DNAH11: variants seen among roughly 807,000 people sequenced by gnomAD.
DNAH11 encodes axonemal beta dynein heavy chain 11.
Under a neutral mutation model 526.0 loss-of-function variants are expected in DNAH11, and 442 were observed. The observed-to-expected ratio is 0.84, with a 90% CI of 0.78 to 0.91. The LOEUF (loss-of-function observed/expected upper bound fraction) is 0.91. Ranked by LOEUF, DNAH11 falls within the 40% of genes least tolerant of loss-of-function variation. DNAH11 has a pLI of 0.00. For missense variants in DNAH11, 6,989 were observed against 5,448.7 expected (o/e 1.28, Z -8.90); for synonymous variants, 2,461 against 1,935.9 (o/e 1.27, Z -7.12).
chr7:21,564,154 G>T, intron 5 of DNAH11, 32 bp from the exon 6 acceptor site: 1 of 1,390,850 alleles, frequency 7.2e-7, no homozygotes, highest in Non-Finnish European at 9.6e-7. Flanking sequence ...AAACAAACCA[G>T]AATCACGTTA....
chr7:21,834,955 A>T (rs1455486744), intron 65 of DNAH11, among the ~76,000 whole-genome samples: 1 of 152,210 alleles, frequency 6.6e-6, no homozygotes, highest in East Asian at 1.9e-4. Context: ...CATAACTGAT[A>T]CCACAGTAAT....
At chr7:21,881,292 G>C (rs561210282) in intron 75 of DNAH11, among the ~76,000 whole-genome samples, 1 of 152,272 alleles carries the variant, frequency 6.6e-6, no homozygotes, top group South Asian at 2.1e-4. Flanking sequence ...AATTAGTTCT[G>C]ATGATGGAAG....
At chr7:21,653,906 G>C (rs898637794) in intron 28 of DNAH11, among the ~76,000 whole-genome samples, 3 of 152,168 alleles carry the variant, frequency 2.0e-5, no homozygotes, top group Non-Finnish European at 4.4e-5. Context: ...TGTTGGTCTT[G>C]TCATGCAGAA....
At chr7:21,652,679 G>A (rs922388610) in intron 28 of DNAH11, among the ~76,000 whole-genome samples, 1 of 152,094 alleles carries the variant, frequency 6.6e-6, no homozygotes, top group South Asian at 2.1e-4. Context: ...ATTTCAACTG[G>A]TGTGGTCATT....
rs1420966942 is a variant in DNAH11, at chr7:21,901,815, AAAAAT to A, written c.*566_*570del. On this transcript the variant is annotated 3_prime_UTR_variant, in exon 82 of 82. Coordinates refer to ENST00000409508, the MANE Select transcript of DNAH11 (RefSeq NM_001277115.2). ...CCCTTTTGTTCAGTCAAGTTTTAATAAAAATAAAACTGTTCTACAGTTAATTGCAC... is the reference window on the plus strand; with the variant it reads ...CCCTTTTGTTCAGTCAAGTTTTAATAAAAACTGTTCTACAGTTAATTGCAC... 2 of 164,576 alleles carry A rather than the reference AAAAAT, an allele frequency of 1.2e-5. No homozygotes were observed. The highest frequency in any genetic ancestry group is 1.3e-5 in the Non-Finnish European group (1 of 74,762). 10.2% of individuals were successfully genotyped at this position (164,576 alleles called of 1,614,324 possible).
At chr7:21,665,592 G>T (rs1782393219) in intron 30 of DNAH11, among the ~76,000 whole-genome samples, 2 of 151,892 alleles carry the variant, frequency 1.3e-5, no homozygotes, top group Non-Finnish European at 2.9e-5. Flanking sequence ...AGTAGCTTTG[G>T]CTGGTTCAAC....
At chr7:21,708,561 G>T (rs906865389) in intron 40 of DNAH11, among the ~76,000 whole-genome samples, 1 of 152,142 alleles carries the variant, frequency 6.6e-6, no homozygotes, top group Non-Finnish European at 1.5e-5. Flanking sequence ...TTTCTAGTGG[G>T]TTCCAATCAC....
intron 23 of DNAH11, among the ~76,000 whole-genome samples, chr7:21,618,678 C>T (rs984879721): frequency 4.6e-5 from 7 of 152,142 alleles, no homozygotes; most frequent in African/African-American, 1.4e-4. Context: ...GGTTAAATCA[C>T]AGAAGCAGCT....
At chr7:21,782,013 T>C (rs1382317166) in intron 57 of DNAH11, among the ~76,000 whole-genome samples, 1 of 152,212 alleles carries the variant, frequency 6.6e-6, no homozygotes, top group Non-Finnish European at 1.5e-5. Context: ...GACCTCAGTT[T>C]AACCTGATCA....
At position 21,842,550 on chromosome 7, in the gene DNAH11, C is replaced by G; in HGVS notation, c.10698C>G (p.Ile3566Met). ...GRNTIKKGKY[I>M]RIGDKECEFN... ...TGTGTTTTGCTCCGTTTAGGTATAT[C>G]AGGATTGGAGATAAAGAATGTGAAT... The change falls in exon 66 of 82, where the codon ATC (isoleucine) becomes ATG (methionine). Residue 3566 changes from isoleucine (I) to methionine (M), a missense_variant. By Grantham distance (10) the Ile-to-Met change is conservative (BLOSUM62 1). Coordinates refer to ENST00000409508, the MANE Select transcript of DNAH11 (RefSeq NM_001277115.2). The G allele has an allele frequency of 1.9e-6, 3 of 1,613,592 alleles. No individual in the cohort carries two copies. The East Asian group carries it at 6.7e-5, about 36-fold the overall frequency.
At chr7:21,750,397 T>G in intron 54 of DNAH11, 33 bp downstream of exon 54, 1 of 1,571,308 alleles carries the variant, frequency 6.4e-7, no homozygotes, top group Non-Finnish European at 8.6e-7. Context: ...GCATGTTAGT[T>G]AAAACCTGCT....
intron 48 of DNAH11, 58 bp downstream of exon 48, chr7:21,739,731 T>A: frequency 7.5e-7 from 1 of 1,339,766 alleles, no homozygotes; most frequent in Non-Finnish European, 1.1e-6. Context: ...TGTTTTCGAG[T>A]ACAGCTTAGG....
chr7:21,556,149 G>C (rs1783210399), intron 2 of DNAH11, among the ~76,000 whole-genome samples: 1 of 152,094 alleles, frequency 6.6e-6, no homozygotes, highest in South Asian at 2.1e-4. Flanking sequence ...TTATACCCTG[G>C]TCCCTTTCTC....
At chr7:21,602,474 G>T (rs964362869) in intron 18 of DNAH11, among the ~76,000 whole-genome samples, 1 of 152,076 alleles carries the variant, frequency 6.6e-6, no homozygotes, top group African/African-American at 2.4e-5. Flanking sequence ...TAACAACAAA[G>T]TCTCTTTAAT....
At chr7:21,711,964 A>G in intron 42 of DNAH11, 104 bp downstream of exon 42, 1 of 1,307,758 alleles carries the variant, frequency 7.6e-7, no homozygotes, top group Non-Finnish European at 1.1e-6. Context: ...CACAGCTGTC[A>G]CCACCATCCA....
intron 61 of DNAH11, among the ~76,000 whole-genome samples, chr7:21,794,391 G>A (rs887610197): frequency 2.6e-5 from 4 of 152,114 alleles, no homozygotes; most frequent in Admixed American, 2.0e-4. Context: ...TCTTTCTAGA[G>A]TATGTTTGCT....
At chr7:21,810,512 G>A (rs1465393172) in intron 63 of DNAH11, among the ~76,000 whole-genome samples, 1 of 152,128 alleles carries the variant, frequency 6.6e-6, no homozygotes, top group East Asian at 1.9e-4. Context: ...CAAACCAAAG[G>A]AAATTGAAAT....
At position 21,566,016 on chromosome 7, in the gene DNAH11, A is replaced by G. The variant is rs187698159; in HGVS notation, c.1194+1619A>G. On this transcript the variant is annotated intron_variant, in intron 6 of 81. Coordinates refer to ENST00000409508, the MANE Select transcript of DNAH11 (RefSeq NM_001277115.2). ...GGCGCGGGTCTCTATGTAAAACACC[A>G]CAATCCCTGTTGCAGGGCCAAAAAC... Among the ~76,000 whole-genome samples the G allele has an allele frequency of 2.2e-4, 33 of 152,324 alleles. No homozygotes were observed. In the East Asian group the frequency reaches 6.0e-3, roughly 28 times the overall value.
At chr7:21,589,464 G>C (rs1784598594) in intron 12 of DNAH11, 61 bp downstream of exon 12, 2 of 1,334,124 alleles carry the variant, frequency 1.5e-6, no homozygotes, top group East Asian at 2.4e-5. Flanking sequence ...GCCTATTTCT[G>C]ATATTTCCAG....
Sources: gnomAD v4.1 joint callset for allele counts (sites outside exome capture counted in the v4.1 genomes callset) on GRCh38, gnomAD v4.1.1 for gene constraint, MANE v1.5 for transcripts, NCBI Gene and HGNC (gene_info 2026-07-23, HGNC 2026-07-21) for gene names.